Variants in SORCS3 observed in about 807,000 individuals in gnomAD.
The protein encoded by SORCS3 is sortilin related VPS10 domain containing receptor 3.
A neutral mutation model predicts 146.3 loss-of-function variants in SORCS3; 57 were observed. The ratio of observed to expected loss-of-function variants is 0.39; its 90% CI spans 0.31 to 0.49. SORCS3 has a LOEUF of 0.49. Among genes scored for constraint, SORCS3 ranks in the 20% least tolerant of loss-of-function variants. The pLI is 0.92. For missense variants in SORCS3, 1,341 were observed against 1,575.5 expected (o/e 0.85, Z 2.52); for synonymous variants, 653 against 618.5 (o/e 1.06, Z -0.83).
intron 21 of SORCS3, 146 bp from the exon 22 acceptor site, chr10:105,247,073 C>T: frequency 4.5e-6 from 2 of 445,654 alleles, no homozygotes; most frequent in Non-Finnish European, 8.0e-6. Context: ...AGTCAGGAAA[C>T]AAGCTGAGAA....
chr10:104,677,518 A>G (rs1164916613), intron 1 of SORCS3, among the ~76,000 whole-genome samples: 2 of 152,240 alleles, frequency 1.3e-5, no homozygotes, highest in Non-Finnish European at 2.9e-5. Context: ...CAGCCTGCCC[A>G]GGAACCTGGT....
chr10:105,065,834 A>G (rs565472377), intron 5 of SORCS3, among the ~76,000 whole-genome samples: 1 of 152,224 alleles, frequency 6.6e-6, no homozygotes, highest in Non-Finnish European at 1.5e-5. Flanking sequence ...AACCAAATAC[A>G]TATATTTGAT....
chr10:104,715,482 G>A (rs953274017), intron 1 of SORCS3, among the ~76,000 whole-genome samples: 8 of 152,070 alleles, frequency 5.3e-5, no homozygotes, highest in Admixed American at 6.6e-5. Flanking sequence ...TCTTGCAGAC[G>A]GCAGATCATG....
intron 1 of SORCS3, among the ~76,000 whole-genome samples, chr10:104,761,472 C>T (rs1181414603): frequency 6.6e-6 from 1 of 152,124 alleles, no homozygotes; most frequent in Non-Finnish European, 1.5e-5. Context: ...ATGGCTCCTG[C>T]AGGCCTATCT....
intron 1 of SORCS3, among the ~76,000 whole-genome samples, chr10:104,795,386 A>T (rs531744537): frequency 6.6e-6 from 1 of 152,362 alleles, no homozygotes; most frequent in South Asian, 2.1e-4. Context: ...TTCTTCATAG[A>T]ATAAGTTAAT....
chr10:105,077,367 A>C (rs2055595162), intron 5 of SORCS3, among the ~76,000 whole-genome samples: 1 of 152,174 alleles, frequency 6.6e-6, no homozygotes, highest in African/African-American at 2.4e-5. Context: ...GAAGAACACT[A>C]ATCTAGGCAG....
chr10:105,204,559 T>C (rs1475868935), intron 16 of SORCS3, among the ~76,000 whole-genome samples: 1 of 152,134 alleles, frequency 6.6e-6, no homozygotes, highest in African/African-American at 2.4e-5. Flanking sequence ...GAATTTTTTT[T>C]GATATATAAT....
At chr10:105,157,368 G>C in intron 10 of SORCS3, 84 bp downstream of exon 10, 1 of 1,533,790 alleles carries the variant, frequency 6.5e-7, no homozygotes, top group Non-Finnish European at 8.9e-7. Flanking sequence ...TTCGTCAAAG[G>C]GTCTTAGGAA....
intron 5 of SORCS3, among the ~76,000 whole-genome samples, chr10:105,073,171 C>T (rs1050465883): frequency 6.6e-6 from 1 of 151,942 alleles, no homozygotes; most frequent in African/African-American, 2.4e-5. Flanking sequence ...AGGAAAGGAC[C>T]AGTGATGATT....
rs1461650529 is a variant in SORCS3, at chr10:105,263,968, A to G, written c.*594A>G. Reference sequence around the variant, plus strand: ...GAAATAATTTAATGTTTAGTAAAAAAGAAAACAGAAAAAAGAAAGATGCGT... The same window carrying G: ...GAAATAATTTAATGTTTAGTAAAAAGGAAAACAGAAAAAAGAAAGATGCGT... On this transcript the variant is annotated 3_prime_UTR_variant, in exon 27 of 27. Transcript: ENST00000369701. The G allele has an allele frequency of 6.5e-6, 1 of 152,772 alleles. No individual in the cohort carries two copies. Among genetic ancestry groups the G allele is most frequent in the African/African-American group, 2.4e-5 (1 of 41,460 alleles). 9.5% of individuals were successfully genotyped at this position (152,772 alleles called of 1,614,324 possible). A position where few individuals can be genotyped will look rare whatever the true frequency, so the allele number is the denominator to read the frequency against.
chr10:105,232,679 C>G (rs972859172), intron 20 of SORCS3, among the ~76,000 whole-genome samples: 1 of 151,200 alleles, frequency 6.6e-6, no homozygotes, highest in East Asian at 2.0e-4. Context: ...AAATTTCCTT[C>G]TAAGTACTGC....
At chr10:104,777,072 T>C (rs1475074053) in intron 1 of SORCS3, among the ~76,000 whole-genome samples, 1 of 152,110 alleles carries the variant, frequency 6.6e-6, no homozygotes, top group African/African-American at 2.4e-5. Context: ...CCTCTTGCGC[T>C]GCAGGTATCT....
intron 1 of SORCS3, among the ~76,000 whole-genome samples, chr10:104,706,785 T>A (rs533527800): frequency 6.6e-6 from 1 of 152,326 alleles, no homozygotes; most frequent in East Asian, 1.9e-4. Context: ...TACATAAACA[T>A]GTATATGCAC....
chr10:104,879,754 G>A (rs910514851), intron 2 of SORCS3, among the ~76,000 whole-genome samples: 1 of 152,224 alleles, frequency 6.6e-6, no homozygotes, highest in Non-Finnish European at 1.5e-5. Flanking sequence ...TTCTAGACAG[G>A]TGCTGCCCTG....
chr10:104,753,151 A>G (rs1464976487), intron 1 of SORCS3, among the ~76,000 whole-genome samples: 1 of 152,204 alleles, frequency 6.6e-6, no homozygotes, highest in Non-Finnish European at 1.5e-5. Flanking sequence ...AGAATTTGGC[A>G]TTGACTTTGG....
At chr10:104,909,489 T>C (rs2018943909) in intron 2 of SORCS3, among the ~76,000 whole-genome samples, 1 of 152,124 alleles carries the variant, frequency 6.6e-6, no homozygotes, top group South Asian at 2.1e-4. Flanking sequence ...ACTGAGGAGA[T>C]GACTTCTGAC....
At chr10:104,990,698 C>A (rs2054988545) in intron 4 of SORCS3, among the ~76,000 whole-genome samples, 1 of 152,140 alleles carries the variant, frequency 6.6e-6, no homozygotes. Context: ...CCAATATAGT[C>A]ATAAGGGTCC....
At chr10:104,732,098 C>G (rs1826181204) in intron 1 of SORCS3, among the ~76,000 whole-genome samples, 1 of 152,196 alleles carries the variant, frequency 6.6e-6, no homozygotes, top group Admixed American at 6.5e-5. Context: ...TGCGTTAGCT[C>G]TCGTGTAAAT....
chr10:104,683,593 G>C (rs932909759), intron 1 of SORCS3, among the ~76,000 whole-genome samples: 3 of 152,166 alleles, frequency 2.0e-5, no homozygotes. Flanking sequence ...TATAGATGCT[G>C]TGGGTAATTT....
Sources: allele counts gnomAD v4.1 joint callset (sites outside exome capture counted in the v4.1 genomes callset), GRCh38; gene constraint gnomAD v4.1.1; transcripts MANE v1.5; gene names NCBI Gene and HGNC (gene_info 2026-07-23, HGNC 2026-07-21).